The following FAT2 variants were observed in gnomAD, a reference collection of about 807,000 sequenced individuals.
The protein encoded by FAT2 is protocadherin Fat 2.
FAT2 carries 150 observed loss-of-function variants against 295.3 expected under a neutral mutation model. That is an observed-to-expected ratio of 0.51 (90% CI 0.44 to 0.58). The LOEUF (loss-of-function observed/expected upper bound fraction) is 0.58. FAT2 is among the 20% of genes least tolerant of loss of function. The pLI, the probability that FAT2 is intolerant of heterozygous loss-of-function variation, is 0.00. For synonymous variants in FAT2, 2,026 were observed against 2,150.3 expected (o/e 0.94, Z 1.60); for missense variants, 4,868 against 5,442.7 (o/e 0.89, Z 3.32).
Position 151,545,714 on chromosome 5 carries a change from A to AAAT in FAT2, c.5410_5412dup (p.Ile1804dup), listed in dbSNP as rs759079315. ...AAAAACTTCAAGGCCTCCGGCTCCA[A>AAAT]AATTTTATAGACCAACAAGGAATTA... On this transcript the variant is annotated inframe_insertion, in exon 10 of 24. Transcript: ENST00000261800. 1 of 1,614,146 alleles carries AAAT rather than the reference A, an allele frequency of 6.2e-7. No homozygotes were observed. The highest frequency in any genetic ancestry group is 2.2e-5 in the East Asian group (1 of 44,886).
chr5:151,524,521 G>A (rs1472796288), intron 18 of FAT2, among the ~76,000 whole-genome samples: 1 of 152,180 alleles, frequency 6.6e-6, no homozygotes, highest in Non-Finnish European at 1.5e-5. Flanking sequence ...CCCGATCTGG[G>A]ACTTCCAGCC....
intron 2 of FAT2, among the ~76,000 whole-genome samples, chr5:151,564,136 T>C (rs1452473905): frequency 6.6e-6 from 1 of 152,252 alleles, no homozygotes. Context: ...CTTCATTTTT[T>C]AGTTCATTCC....
intron 1 of FAT2, among the ~76,000 whole-genome samples, chr5:151,582,141 G>A (rs930233887): frequency 2.0e-5 from 3 of 152,196 alleles, no homozygotes; most frequent in Non-Finnish European, 4.4e-5. Flanking sequence ...GCCAAGGCAC[G>A]AGAGAGGTCA....
At chr5:151,585,069 T>G (rs1247511889) in intron 1 of FAT2, among the ~76,000 whole-genome samples, 1 of 152,246 alleles carries the variant, frequency 6.6e-6, no homozygotes, top group African/African-American at 2.4e-5. Context: ...AGGTAAAGTT[T>G]AATTTAGCAA....
chr5:151,586,479 T>C (rs1263585281), intron 1 of FAT2, among the ~76,000 whole-genome samples: 1 of 152,196 alleles, frequency 6.6e-6, no homozygotes, highest in Admixed American at 6.5e-5. Flanking sequence ...CAGGAAGAGA[T>C]GGATTTCAGA....
At chr5:151,510,457 G>A in intron 21 of FAT2, 2 of 277,868 alleles carry the variant, frequency 7.2e-6, no homozygotes, top group South Asian at 1.3e-4. Context: ...GCTAGTCACT[G>A]TTCCAAGGAT....
At position 151,545,370 on chromosome 5, in the gene FAT2, A is replaced by G; in HGVS notation, c.5757T>C (p.His1919=). Residue 1919 remains histidine, a synonymous_variant, in exon 10 of 24, where the codon CAT becomes CAC. Coordinates refer to ENST00000261800, the MANE Select transcript of FAT2 (RefSeq NM_001447.3). The stretch of plus-strand genomic sequence containing the variant: ...GCACAGATATGCTACCAGTGACAGG[A>G]TGGATGGTAACAGCTTCATCAGCAT... The part of the protein sequence containing the change: ...TGNADEAVTI[H]PVTGSISVLN... The G allele has an allele frequency of 6.2e-7, 1 of 1,614,146 alleles. No homozygotes were observed. The highest frequency in any genetic ancestry group is 8.5e-7 in the Non-Finnish European group (1 of 1,180,012).
chr5:151,543,952 G>A lies in FAT2; in HGVS notation c.7175C>T (p.Ala2392Val). 1 of 1,614,144 alleles carries A rather than the reference G, an allele frequency of 6.2e-7. No individual in the cohort carries two copies. The highest frequency in any genetic ancestry group is 8.5e-7 in the Non-Finnish European group (1 of 1,180,030). ...TTTAAGAACCAGGTGTCCACAGGTT[G>A]CCAGTTCACTGACATTGGCTTCATA... is the stretch of plus-strand genomic sequence containing the variant. The part of the protein sequence containing the change: ...PQYEANVSEL[A>V]TCGHLVLKVQ... The change falls in exon 10 of 24, where the codon GCA becomes GTA. Residue 2392 changes from alanine to valine, a missense_variant. By Grantham distance (64) the Ala-to-Val change is moderately conservative. This residue lies in a region of FAT2 where 3,297 missense variants were observed against 3,669.4 expected (regional missense o/e 0.90). Coordinates refer to ENST00000261800, the MANE Select transcript of FAT2 (RefSeq NM_001447.3).
At position 151,506,203 on chromosome 5, in the gene FAT2, G is replaced by A. The variant is rs913295625; in HGVS notation, c.12518-106C>T. On this transcript the variant is annotated intron_variant, in intron 23 of 23. Transcript: ENST00000261800. ...CTAGCGAGTGGTGGAGATGGGAGTG[G>A]GTGGGCATAGGCCCATCTGTGCAGG... The A allele has an allele frequency of 6.6e-6, 8 of 1,214,864 alleles. No individual in the cohort carries two copies. In the African/African-American group the frequency reaches 1.2e-4, roughly 19 times the overall value. The allele number at this position is 1,214,864 out of a possible 1,614,324, so 75.3% of individuals were successfully genotyped here.
At position 151,545,040 on chromosome 5, in the gene FAT2, G is replaced by A; in HGVS notation, c.6087C>T (p.Asp2029=). Residue 2029 remains aspartate, a synonymous_variant, in exon 10 of 24, where the codon GAC becomes GAT. Transcript: ENST00000261800. ...GVLQTRGVAF[D]REQQDTHELA... ...ACTCATGAGTGTCCTGCTGCTCCCG[G>A]TCAAACGCCACACCTCTTGTCTGCA... 6.2e-7 allele frequency: 1 copy of A among 1,614,112 alleles called. No homozygotes were observed. The highest frequency in any genetic ancestry group is 8.5e-7 in the Non-Finnish European group (1 of 1,180,010).
At chr5:151,593,960 G>A (rs111439380), upstream of FAT2, among the ~76,000 whole-genome samples, 8,550 of 152,052 alleles carry the variant, frequency 0.056, 287 homozygotes, top group Middle Eastern at 0.11. Flanking sequence ...CCAAGATCAC[G>A]CCACTGCACT....
rs1199602283 is a variant in FAT2, at chr5:151,525,894, G to A, written c.10380C>T (p.Pro3460=). 1 of 1,614,180 alleles carries A rather than the reference G, an allele frequency of 6.2e-7. No individual in the cohort carries two copies. The highest frequency in any genetic ancestry group is 1.7e-5 in the Admixed American group (1 of 60,024). Residue 3460 remains proline, a synonymous_variant, in exon 18 of 24, where the codon CCC becomes CCT. Coordinates refer to ENST00000261800, the MANE Select transcript of FAT2 (RefSeq NM_001447.3). ...LSDPDSPENG[P]PYSFRITKGN... ...CCTTGGTGATTCGAAACGAGTAGGG[G>A]GGGCCATTCTCTGGAGAATCTGGGT...
At chr5:151,507,713 A>C in intron 22 of FAT2, 102 bp from the exon 23 acceptor site, 4 of 1,077,806 alleles carry the variant, frequency 3.7e-6, no homozygotes, top group Non-Finnish European at 5.2e-6. Context: ...CCCAAAACCT[A>C]CCATCTCCCG....
At chr5:151,510,267 C>T in intron 21 of FAT2, 93 bp from the exon 22 acceptor site, 2 of 1,393,644 alleles carry the variant, frequency 1.4e-6, no homozygotes, top group Non-Finnish European at 2.0e-6. Context: ...TGCAGCCGTT[C>T]AGTTACCATT....
intron 1 of FAT2, among the ~76,000 whole-genome samples, chr5:151,575,540 C>A (rs375731517): frequency 1.3e-4 from 20 of 152,286 alleles, no homozygotes; most frequent in African/African-American, 4.3e-4. Context: ...AGGTAAAGTA[C>A]GGCAAATACC....
At chr5:151,532,813 C>T (rs555167823) in intron 13 of FAT2, among the ~76,000 whole-genome samples, 33 of 152,290 alleles carry the variant, frequency 2.2e-4, no homozygotes, top group Non-Finnish European at 3.2e-4. Flanking sequence ...GATGAACACA[C>T]GCCCTGAGCC....
At position 151,566,573 on chromosome 5, in the gene FAT2, T is replaced by G. The variant is rs768823935; in HGVS notation, c.2359A>C (p.Ile787Leu). 1 of 1,613,948 alleles carries G rather than the reference T, an allele frequency of 6.2e-7. No homozygotes were observed. The highest frequency in any genetic ancestry group is 8.5e-7 in the Non-Finnish European group (1 of 1,180,014). The change falls in exon 2 of 24, where the codon ATC (isoleucine) becomes CTC (leucine). Residue 787 changes from isoleucine to leucine, a missense_variant. Coordinates refer to ENST00000261800, the MANE Select transcript of FAT2 (RefSeq NM_001447.3). ...PLDYEATNFYILNVTVYDLGT... is the reference protein window; with the variant it reads ...PLDYEATNFYLLNVTVYDLGT... ...AGGTCATATACTGTTACATTGAGGA[T>G]GTAGAAATTGGTGGCTTCATAGTCC...
intron 3 of FAT2, among the ~76,000 whole-genome samples, chr5:151,559,077 C>G (rs1272348146): frequency 6.6e-6 from 1 of 152,146 alleles, no homozygotes; most frequent in Non-Finnish European, 1.5e-5. Flanking sequence ...AGTGAAGAGC[C>G]CAGAGTTTCC....
In FAT2 at chr5:151,566,089, T is replaced by C; in HGVS notation, c.2843A>G (p.Asp948Gly). The change falls in exon 2 of 24, where the codon GAT (aspartate) becomes GGT (glycine). Residue 948 changes from aspartate (D) to glycine (G), a missense_variant. Asp to Gly is a moderately conservative substitution (Grantham distance 94, BLOSUM62 -1). Transcript: ENST00000261800. ...LPPGTVLTFL[D>G]ASDPDLGPAG... ...GGGGCCCAGGTCAGGATCAGAGGCA[T>C]CCAGAAATGTCAAGACAGTCCCGGG... 1 of 1,614,150 alleles carries C rather than the reference T, an allele frequency of 6.2e-7. No individual in the cohort carries two copies. Among genetic ancestry groups the C allele is most frequent in the Non-Finnish European group, 8.5e-7 (1 of 1,180,038 alleles).
Sources: allele counts gnomAD v4.1 joint callset (sites outside exome capture counted in the v4.1 genomes callset), GRCh38; gene constraint gnomAD v4.1.1; regional missense constraint gnomAD v4.1.1; transcripts MANE v1.5; gene names NCBI Gene and HGNC (gene_info 2026-07-23, HGNC 2026-07-21).